Variants in DYNC1I2 observed in about 807,000 individuals in gnomAD.
DYNC1I2 encodes cytoplasmic dynein 1 intermediate chain 2.
In DYNC1I2, 53 loss-of-function variants were observed where a neutral mutation model predicts 88.6. The observed-to-expected ratio is 0.60, with a 90% CI of 0.48 to 0.75. The LOEUF is 0.75. Ranked by LOEUF, DYNC1I2 falls within the 30% of genes least tolerant of loss-of-function variation. The probability of loss-of-function intolerance (pLI) is 0.00; values close to 1 mark genes in which losing one functional copy is unlikely to be tolerated. For missense variants in DYNC1I2, 458 were observed against 766.6 expected, an observed-to-expected ratio of 0.60 and a Z score of 4.75; for synonymous variants, 198 against 254.6, an observed-to-expected ratio of 0.78 and a Z score of 2.12.
chr2:171,705,045 A>T (rs1189485190), intron 3 of DYNC1I2, among the ~76,000 whole-genome samples: 1 of 152,136 alleles, frequency 6.6e-6, no homozygotes, highest in African/African-American at 2.4e-5. Context: ...GAGAAAGAAG[A>T]TAGTTCTGGG....
rs1319177737 is a variant in DYNC1I2, at chr2:171,749,388, AAATT to A, written c.*1503_*1506del. Among the ~76,000 whole-genome samples, 1 of 152,150 alleles carries A rather than the reference AAATT, an allele frequency of 6.6e-6. No homozygotes were observed. The highest frequency in any genetic ancestry group is 2.4e-5 in the African/African-American group (1 of 41,464). On this transcript the variant is annotated 3_prime_UTR_variant, in exon 18 of 18. Transcript: ENST00000397119. ...TTTACTTTTCTATATTCAGTTTCAT[AAATT>A]AATACCCCATAATTGCCCATTATAT...
intron 15 of DYNC1I2, among the ~76,000 whole-genome samples, chr2:171,740,403 C>T (rs763400462): frequency 3.9e-5 from 6 of 152,150 alleles, no homozygotes; most frequent in Non-Finnish European, 8.8e-5. Context: ...CCATGACTTA[C>T]GTTTTCTTTC....
chr2:171,737,704 C>T (rs1316010998), intron 15 of DYNC1I2, among the ~76,000 whole-genome samples: 1 of 152,178 alleles, frequency 6.6e-6, no homozygotes, highest in African/African-American at 2.4e-5. Flanking sequence ...TAGTGTGAGC[C>T]ACCACACCCA....
intron 15 of DYNC1I2, among the ~76,000 whole-genome samples, chr2:171,731,161 A>G (rs1214411563): frequency 1.3e-5 from 2 of 152,232 alleles, no homozygotes; most frequent in Non-Finnish European, 2.9e-5. Context: ...TTAATAAGTC[A>G]TCTCTTTCCT....
At chr2:171,693,384 T>C (rs1265739852) in intron 3 of DYNC1I2, among the ~76,000 whole-genome samples, 1 of 152,258 alleles carries the variant, frequency 6.6e-6, no homozygotes, top group African/African-American at 2.4e-5. Context: ...TGGCTTATTT[T>C]CGAAGTGATT....
At chr2:171,702,663 A>C (rs1297114522) in intron 3 of DYNC1I2, among the ~76,000 whole-genome samples, 1 of 152,104 alleles carries the variant, frequency 6.6e-6, no homozygotes, top group Non-Finnish European at 1.5e-5. Context: ...TTCCTACTAA[A>C]AACAATTGGT....
intron 4 of DYNC1I2, chr2:171,706,805 T>G: frequency 2.2e-6 from 1 of 450,924 alleles, no homozygotes. Context: ...AAGAAAAAAT[T>G]ATTAGACAAA....
intron 17 of DYNC1I2, among the ~76,000 whole-genome samples, chr2:171,747,180 T>G (rs1689841157): frequency 1.6e-5 from 2 of 125,230 alleles, no homozygotes; most frequent in African/African-American, 2.9e-5. Flanking sequence ...GGCAACAGAG[T>G]GGGACTGTCT....
chr2:171,712,087 A>G (rs1052063308), intron 5 of DYNC1I2, among the ~76,000 whole-genome samples: 19 of 152,212 alleles, frequency 1.2e-4, no homozygotes, highest in African/African-American at 3.6e-4. Flanking sequence ...TTGAACATAA[A>G]ATATTTTTCC....
At chr2:171,737,435 T>A (rs948763119) in intron 15 of DYNC1I2, among the ~76,000 whole-genome samples, 1 of 152,142 alleles carries the variant, frequency 6.6e-6, no homozygotes, top group Admixed American at 6.5e-5. Context: ...AAATATGGCT[T>A]GACTCGTGAC....
chr2:171,693,570 A>G (rs1028119843), intron 3 of DYNC1I2, among the ~76,000 whole-genome samples: 6 of 152,208 alleles, frequency 3.9e-5, no homozygotes, highest in Non-Finnish European at 5.9e-5. Context: ...CATGGCCTTT[A>G]TCCTTTAGAG....
At chr2:171,735,199 A>G (rs78261455) in intron 15 of DYNC1I2, among the ~76,000 whole-genome samples, 3,549 of 152,328 alleles carry the variant, frequency 0.023, 56 homozygotes, top group Non-Finnish European at 0.033. Flanking sequence ...AATTTGGCAC[A>G]GCCTCAAATT....
intron 15 of DYNC1I2, among the ~76,000 whole-genome samples, chr2:171,734,249 C>T (rs1198701715): frequency 1.3e-5 from 2 of 152,156 alleles, no homozygotes; most frequent in Non-Finnish European, 2.9e-5. Flanking sequence ...AGGCTTCCAT[C>T]CTTATATACG....
At chr2:171,701,351 G>A (rs1012644013) in intron 3 of DYNC1I2, among the ~76,000 whole-genome samples, 4 of 152,088 alleles carry the variant, frequency 2.6e-5, no homozygotes, top group Admixed American at 2.6e-4. Context: ...TGTATTTTTG[G>A]TAGAGACGGG....
At chr2:171,727,675 A>C (rs1688340277) in intron 11 of DYNC1I2, 146 bp from the exon 12 acceptor site, 1 of 616,580 alleles carries the variant, frequency 1.6e-6, no homozygotes, top group African/African-American at 1.9e-5. Context: ...AACAGTGAAA[A>C]CTTTTAATTA....
At chr2:171,728,874 A>G (rs750672337) in intron 14 of DYNC1I2, 24 bp downstream of exon 14, 48 of 1,588,768 alleles carry the variant, frequency 3.0e-5, no homozygotes, top group Middle Eastern at 3.3e-4. Context: ...GGAATTTGCA[A>G]TAATTTAAAA....
chr2:171,689,287 A>T (rs1436127992), intron 1 of DYNC1I2, among the ~76,000 whole-genome samples: 1 of 152,244 alleles, frequency 6.6e-6, no homozygotes, highest in Non-Finnish European at 1.5e-5. Flanking sequence ...AGGTATACGT[A>T]AGGTGTTATT....
intron 16 of DYNC1I2, 68 bp downstream of exon 16, chr2:171,744,257 A>C (rs1689639723): frequency 6.7e-7 from 1 of 1,490,274 alleles, no homozygotes; most frequent in African/African-American, 1.4e-5. Context: ...ATAATTTGTG[A>C]AATTCCTTTT....
intron 15 of DYNC1I2, 123 bp downstream of exon 15, chr2:171,729,976 T>TAAGC: frequency 8.5e-7 from 1 of 1,174,612 alleles, no homozygotes; most frequent in South Asian, 1.5e-5. Flanking sequence ...TGAAGCCTGC[T>TAAGC]AGGAAGTTAC....
Sources: gnomAD v4.1 joint callset for allele counts (sites outside exome capture counted in the v4.1 genomes callset) on GRCh38, gnomAD v4.1.1 for gene constraint, MANE v1.5 for transcripts, NCBI Gene and HGNC (gene_info 2026-07-23, HGNC 2026-07-21) for gene names.